The following SRGAP2 variants were observed in gnomAD, a reference collection of about 807,000 sequenced individuals.
SRGAP2 encodes SLIT-ROBO Rho GTPase activating protein 2.
In SRGAP2, 15 loss-of-function variants were observed where a neutral mutation model predicts 57.2. The observed-to-expected ratio is 0.26, with a 90% CI of 0.18 to 0.40. The LOEUF is 0.40. Among genes scored for constraint, SRGAP2 ranks in the 10% least tolerant of loss-of-function variants. SRGAP2 has a pLI of 1.00. For synonymous variants in SRGAP2, 249 were observed against 248.0 expected, an observed-to-expected ratio of 1.00 and a Z score of -0.04; for missense variants, 520 against 669.6, an observed-to-expected ratio of 0.78 and a Z score of 2.47.
At chr1:206,457,844 G>T (rs1663963296) in intron 21 of SRGAP2, among the ~76,000 whole-genome samples, 1 of 152,180 alleles carries the variant, frequency 6.6e-6, no homozygotes, top group Non-Finnish European at 1.5e-5. Context: ...CAAATCAGAA[G>T]TTTCATTGCC....
intron 5 of SRGAP2, among the ~76,000 whole-genome samples, chr1:206,392,133 G>T (rs1258706783): frequency 1.3e-5 from 2 of 152,200 alleles, no homozygotes; most frequent in Non-Finnish European, 2.9e-5. Flanking sequence ...CTGTGAGAGG[G>T]TGTTTGATCT....
rs781860520 is a variant in SRGAP2 at position 206,393,701 on chromosome 1, G to A, written c.831+28G>A. ...AAGTGCTTAAAGCCAAGGGCCTGAG[G>A]GCACCTCTTTTCTGGTTTCAGAATA... On this transcript the variant is annotated intron_variant, in intron 7 of 22. Transcript: ENST00000573034. 1.6e-4 allele frequency: 94 copies of A among 599,766 alleles called. 1 individual carries two copies. The highest frequency in any genetic ancestry group is 1.9e-4 in the Admixed American group (7 of 36,178). The allele number at this position is 599,766 out of a possible 1,614,324, so 37.2% of individuals were successfully genotyped here. A position where few individuals can be genotyped will look rare whatever the true frequency, so the allele number is the denominator to read the frequency against.
intron 4 of SRGAP2, among the ~76,000 whole-genome samples, chr1:206,373,606 A>G (rs1327558783): frequency 2.8e-5 from 1 of 35,352 alleles, no homozygotes; most frequent in Non-Finnish European, 5.9e-5. Context: ...ATGGTGGTGA[A>G]CACCTGTAGT....
At chr1:206,261,362 A>AAATTGGGTT (rs1242885022) in intron 2 of SRGAP2, among the ~76,000 whole-genome samples, 3 of 148,912 alleles carry the variant, frequency 2.0e-5, no homozygotes, top group Non-Finnish European at 4.5e-5. Flanking sequence ...TATAGACAAC[A>AAATTGGGTT]AATTGGGTTA....
chr1:206,290,463 A>G (rs1427833584), intron 2 of SRGAP2, among the ~76,000 whole-genome samples: 2 of 152,008 alleles, frequency 1.3e-5, no homozygotes, highest in Non-Finnish European at 2.9e-5. Context: ...CCTGACCAAC[A>G]TGGTGAAACT....
intron 2 of SRGAP2, among the ~76,000 whole-genome samples, chr1:206,241,247 A>C (rs545102054): frequency 8.5e-5 from 13 of 152,380 alleles, no homozygotes; most frequent in Non-Finnish European, 1.8e-4. Flanking sequence ...AGAAGAAGAG[A>C]GAGAAACTTA....
At chr1:206,384,735 AGGT>A (rs200086863) in intron 5 of SRGAP2, among the ~76,000 whole-genome samples, 11,021 of 149,202 alleles carry the variant, frequency 0.074, 541 homozygotes, top group African/African-American at 0.19. Context: ...ATGCGCAGAG[AGGT>A]GGTGGTGGTG....
intron 11 of SRGAP2, among the ~76,000 whole-genome samples, chr1:206,419,165 T>C (rs9661663): frequency 0.11 from 16,559 of 152,100 alleles, 2,079 homozygotes; most frequent in African/African-American, 0.31. Context: ...AGAAACAGTT[T>C]TTGCCCAGAA....
chr1:206,268,564 T>G (rs1434234113), intron 2 of SRGAP2, among the ~76,000 whole-genome samples: 39 of 152,084 alleles, frequency 2.6e-4, no homozygotes, highest in Admixed American at 3.9e-4. Context: ...AATGGGAGCA[T>G]AATGGAGGAA....
chr1:206,209,505 G>A (rs1666173395), intron 2 of SRGAP2, among the ~76,000 whole-genome samples: 2 of 151,760 alleles, frequency 1.3e-5, no homozygotes, highest in South Asian at 4.2e-4. Context: ...TTTTATGAGG[G>A]GTGTGCCTCC....
chr1:206,431,930 G>A (rs1553368432), intron 14 of SRGAP2, among the ~76,000 whole-genome samples: 4 of 152,272 alleles, frequency 2.6e-5, no homozygotes, highest in African/African-American at 4.8e-5. Flanking sequence ...GGAAGCCAGC[G>A]TAGCTGGAGC....
At chr1:206,458,985 A>G (rs1553379609) in intron 22 of SRGAP2, 38 bp downstream of exon 22, 1 of 698,080 alleles carries the variant, frequency 1.4e-6, no homozygotes, top group Non-Finnish European at 2.7e-6. Flanking sequence ...ATGAGTCTAC[A>G]TTCATCACTA....
intron 2 of SRGAP2, among the ~76,000 whole-genome samples, chr1:206,290,641 CAAAAA>C (rs1237811129): frequency 4.4e-5 from 2 of 45,210 alleles, no homozygotes; most frequent in Non-Finnish European, 9.3e-5. Context: ...GACTCCATCT[CAAAAA>C]AAAAAAAAAA....
chr1:206,459,652 C>G (rs2103421300), intron 22 of SRGAP2, among the ~76,000 whole-genome samples: 1 of 152,282 alleles, frequency 6.6e-6, no homozygotes, highest in South Asian at 2.1e-4. Flanking sequence ...AGACGTCTCT[C>G]CCAACTATAT....
chr1:206,244,710 A>G (rs1464708402), intron 2 of SRGAP2, among the ~76,000 whole-genome samples: 3 of 152,092 alleles, frequency 2.0e-5, no homozygotes, highest in South Asian at 2.1e-4. Context: ...TCTAAATGGG[A>G]AAAAAAATTT....
intron 2 of SRGAP2, among the ~76,000 whole-genome samples, chr1:206,273,710 T>G (rs2102662972): frequency 6.7e-6 from 1 of 149,922 alleles, no homozygotes; most frequent in Admixed American, 6.6e-5. Context: ...AAAAGATTGT[T>G]CTAATTTTGA....
At chr1:206,278,148 T>C (rs1467875010) in intron 2 of SRGAP2, among the ~76,000 whole-genome samples, 13 of 152,040 alleles carry the variant, frequency 8.6e-5, no homozygotes, top group Non-Finnish European at 1.3e-4. Flanking sequence ...CTACTCTAGA[T>C]GCTTTATTTC....
At chr1:206,433,227 G>T (rs1039835370) in intron 14 of SRGAP2, among the ~76,000 whole-genome samples, 13 of 152,200 alleles carry the variant, frequency 8.5e-5, no homozygotes, top group African/African-American at 2.9e-4. Context: ...ACTTATAGGG[G>T]ATGGATGGAA....
chr1:206,256,534 T>A (rs1464767546), intron 2 of SRGAP2, among the ~76,000 whole-genome samples: 58 of 148,634 alleles, frequency 3.9e-4, no homozygotes, highest in African/African-American at 1.4e-3. Flanking sequence ...TTTTCTTTGC[T>A]AATAGATGAC....
Sources: gnomAD v4.1 joint callset for allele counts (sites outside exome capture counted in the v4.1 genomes callset) on GRCh38, gnomAD v4.1.1 for gene constraint, MANE v1.5 for transcripts, NCBI Gene and HGNC (gene_info 2026-07-23, HGNC 2026-07-21) for gene names.